Variants in GRM5 observed in about 807,000 individuals in gnomAD.
GRM5 encodes glutamate metabotropic receptor 5.
Under a neutral mutation model 83.1 loss-of-function variants are expected in GRM5, and 19 were observed. The ratio of observed to expected loss-of-function variants is 0.23; its 90% CI spans 0.16 to 0.34. GRM5 has a LOEUF of 0.34. Ranked by LOEUF, GRM5 falls within the 10% of genes least tolerant of loss-of-function variation. The pLI, the probability that GRM5 is intolerant of heterozygous loss-of-function variation, is 1.00. For missense variants in GRM5, 1,160 were observed against 1,588.3 expected (o/e 0.73, Z 4.58); for synonymous variants, 675 against 633.6 (o/e 1.07, Z -0.98).
In GRM5 at chr11:88,601,156, G is replaced by A. The variant is rs112667439; in HGVS notation, c.1394+3562C>T. Among the ~76,000 whole-genome samples the A allele has an allele frequency of 2.0e-5, 3 of 152,114 alleles. No homozygotes were observed. In the South Asian group the frequency reaches 6.2e-4, roughly 32 times the overall value. On this transcript the variant is annotated intron_variant, in intron 5 of 9. Transcript: ENST00000305447. ...CTTGCCCTGTTATTTAATTGACTAT[G>A]CAACCTTGGACATGTCTCTTTCTTT...
At chr11:88,924,456 G>T (rs913384100) in intron 2 of GRM5, among the ~76,000 whole-genome samples, 5 of 151,948 alleles carry the variant, frequency 3.3e-5, no homozygotes, top group African/African-American at 1.2e-4. Context: ...ACATACAAAT[G>T]AATACTATTC....
intron 3 of GRM5, among the ~76,000 whole-genome samples, chr11:88,703,339 C>G (rs771132525): frequency 6.6e-6 from 1 of 151,912 alleles, no homozygotes; most frequent in African/African-American, 2.4e-5. Context: ...TAATTGCAAT[C>G]TTTTGCAAAG....
chr11:88,723,621 T>G (rs149168541), intron 3 of GRM5, among the ~76,000 whole-genome samples: 88 of 152,108 alleles, frequency 5.8e-4, no homozygotes, highest in African/African-American at 2.0e-3. Flanking sequence ...GTGGGAAACC[T>G]CTGAACACTC....
At chr11:88,950,024 C>T (rs1180300604) in intron 2 of GRM5, among the ~76,000 whole-genome samples, 7 of 146,820 alleles carry the variant, frequency 4.8e-5, no homozygotes, top group African/African-American at 1.7e-4. Context: ...GCCACCAAGC[C>T]TGGCTAATTT....
chr11:88,694,001 T>C (rs1354904936), intron 3 of GRM5, among the ~76,000 whole-genome samples: 5 of 152,180 alleles, frequency 3.3e-5, no homozygotes, highest in Admixed American at 6.5e-5. Context: ...AAAACAGACA[T>C]GGTTTAATCT....
chr11:88,722,578 T>C (rs1275604995), intron 3 of GRM5, among the ~76,000 whole-genome samples: 1 of 152,170 alleles, frequency 6.6e-6, no homozygotes, highest in Non-Finnish European at 1.5e-5. Flanking sequence ...TCAATCTTTA[T>C]ATACTAAGAC....
At chr11:88,700,043 T>C (rs754150759) in intron 3 of GRM5, among the ~76,000 whole-genome samples, 7 of 152,166 alleles carry the variant, frequency 4.6e-5, no homozygotes, top group Non-Finnish European at 1.5e-5. Context: ...TTAGTGAATA[T>C]CTACTTCATG....
intron 3 of GRM5, among the ~76,000 whole-genome samples, chr11:88,826,802 A>G (rs1055663659): frequency 2.0e-5 from 3 of 152,234 alleles, no homozygotes; most frequent in African/African-American, 7.2e-5. Flanking sequence ...TCACAAGACT[A>G]TGTAGACTTT....
At chr11:88,538,462 A>G (rs1942187262) in intron 8 of GRM5, among the ~76,000 whole-genome samples, 1 of 152,202 alleles carries the variant, frequency 6.6e-6, no homozygotes, top group Non-Finnish European at 1.5e-5. Context: ...CAAAATGTTA[A>G]CTATAAGAAG....
chr11:88,598,333 G>T (rs41437845), intron 5 of GRM5, among the ~76,000 whole-genome samples: 2,845 of 152,050 alleles, frequency 0.019, 84 homozygotes, highest in African/African-American at 0.065. Context: ...ACAAACCAAT[G>T]TTCTGTACAG....
In GRM5 at chr11:88,696,583, A is replaced by G. The variant is rs181766590; in HGVS notation, c.912-43180T>C. Among the ~76,000 whole-genome samples, 131 of 152,296 alleles carry G rather than the reference A, an allele frequency of 8.6e-4. No individual in the cohort carries two copies. In the Middle Eastern group the frequency reaches 0.014, roughly 16 times the overall value. ...TGAAGTGGTCATCTGTAAGATAATA[A>G]TTGGGATTTCCAAGTCAGACACACC... On this transcript the variant is annotated intron_variant, in intron 3 of 9. Coordinates refer to ENST00000305447, the MANE Select transcript of GRM5 (RefSeq NM_001143831.3).
intron 2 of GRM5, among the ~76,000 whole-genome samples, chr11:89,011,610 G>A (rs574709593): frequency 5.3e-5 from 8 of 152,200 alleles, no homozygotes; most frequent in South Asian, 2.1e-4. Flanking sequence ...CACTGATTAC[G>A]TGAAATCTGC....
intron 3 of GRM5, among the ~76,000 whole-genome samples, chr11:88,836,582 A>G (rs1373971622): frequency 6.6e-6 from 1 of 152,140 alleles, no homozygotes; most frequent in Non-Finnish European, 1.5e-5. Flanking sequence ...ACTGGAAATC[A>G]GGAGTTTGAG....
intron 8 of GRM5, among the ~76,000 whole-genome samples, chr11:88,532,687 T>A (rs1359570685): frequency 6.6e-6 from 1 of 152,096 alleles, no homozygotes; most frequent in African/African-American, 2.4e-5. Context: ...TCCAATGAGA[T>A]TTGCTGTTGT....
intron 3 of GRM5, among the ~76,000 whole-genome samples, chr11:88,803,999 C>G (rs1316722075): frequency 6.6e-6 from 1 of 150,846 alleles, no homozygotes; most frequent in East Asian, 2.0e-4. Flanking sequence ...CCATCTCACA[C>G]CAGTTAGAAT....
Position 88,508,040 on chromosome 11 carries a change from A to G in GRM5, c.*552T>C, listed in dbSNP as rs1941226409. The G allele has an allele frequency of 6.5e-6, 1 of 153,240 alleles. No individual in the cohort carries two copies. The highest frequency in any genetic ancestry group is 2.4e-5 in the African/African-American group (1 of 41,438). The allele number at this position is 153,240 out of a possible 1,614,324, so 9.5% of individuals were successfully genotyped here. A position where few individuals can be genotyped will look rare whatever the true frequency, so the allele number is the denominator to read the frequency against. ...ACACATTCACAACGCCTCCGTAAAT[A>G]CTGGACCCAAGTTACTGCTTTTCAA... On this transcript the variant is annotated 3_prime_UTR_variant, in exon 10 of 10. Coordinates refer to ENST00000305447, the MANE Select transcript of GRM5 (RefSeq NM_001143831.3). The surrounding 1 kb of genome is among the most constrained non-coding windows in gnomAD (Gnocchi z 4.2).
At chr11:88,967,896 T>C (rs553070264) in intron 2 of GRM5, among the ~76,000 whole-genome samples, 36 of 152,078 alleles carry the variant, frequency 2.4e-4, no homozygotes, top group South Asian at 2.1e-4. Flanking sequence ...AGGTCATCCA[T>C]TGGATGATAC....
chr11:88,588,613 T>A (rs538919451), intron 7 of GRM5, among the ~76,000 whole-genome samples: 22 of 152,302 alleles, frequency 1.4e-4, no homozygotes, highest in Admixed American at 1.4e-3. Context: ...TCTTAGTTAT[T>A]ATTTGCTAAA....
intron 3 of GRM5, among the ~76,000 whole-genome samples, chr11:88,827,534 C>A (rs1943913002): frequency 6.6e-6 from 1 of 152,226 alleles, no homozygotes; most frequent in Non-Finnish European, 1.5e-5. Flanking sequence ...TTCACCCTAA[C>A]ACTCTTTGAA....
Sources: gnomAD v4.1 joint callset for allele counts (sites outside exome capture counted in the v4.1 genomes callset) on GRCh38, gnomAD v4.1.1 for gene constraint, Gnocchi (gnomAD v3.1) non-coding constraint, MANE v1.5 for transcripts, NCBI Gene and HGNC (gene_info 2026-07-23, HGNC 2026-07-21) for gene names.